Variants in RPSA2 observed in about 807,000 individuals in gnomAD.
The protein encoded by RPSA2 is small ribosomal subunit protein uS2B.
chr19:23,797,520 G>C, the RPSA2 span, among the ~76,000 whole-genome samples: 1 of 152,286 alleles, frequency 6.6e-6, no homozygotes, highest in South Asian at 2.1e-4. Context: ...TTATGTAATT[G>C]TATGGTTTCA....
At chr19:23,859,587 A>G in the RPSA2 span, among the ~76,000 whole-genome samples, 2 of 151,506 alleles carry the variant, frequency 1.3e-5, no homozygotes, top group Non-Finnish European at 2.9e-5. Flanking sequence ...AGCTCACACC[A>G]TTGCACTCCA....
chr19:23,808,763 GA>G, the RPSA2 span: 6 of 912,712 alleles, frequency 6.6e-6, no homozygotes, highest in Admixed American at 2.0e-5. Flanking sequence ...TCTGGAGCGA[GA>G]AAAAGAGCCC....
chr19:23,857,746 T>G, the RPSA2 span, among the ~76,000 whole-genome samples: 349 of 152,200 alleles, frequency 2.3e-3, no homozygotes, highest in Non-Finnish European at 3.7e-3. Flanking sequence ...CCACCCACCT[T>G]GGCCTCCCAA....
At chr19:23,845,763 A>G in the RPSA2 span, among the ~76,000 whole-genome samples, 3 of 152,320 alleles carry the variant, frequency 2.0e-5, no homozygotes, top group South Asian at 2.1e-4. Flanking sequence ...AAGTGCTGGG[A>G]TTACAGGTGT....
chr19:23,769,684 T>C, the RPSA2 span, among the ~76,000 whole-genome samples: 1 of 152,156 alleles, frequency 6.6e-6, no homozygotes, highest in Non-Finnish European at 1.5e-5. Context: ...TGGGATATTG[T>C]GACATATTGC....
chr19:23,770,548 A>G, the RPSA2 span, among the ~76,000 whole-genome samples: 3 of 152,352 alleles, frequency 2.0e-5, no homozygotes, highest in Middle Eastern at 3.4e-3. Context: ...AGCCCAGCAC[A>G]TAAGTGGCCT....
chr19:23,825,321 C>T, the RPSA2 span, among the ~76,000 whole-genome samples: 2 of 152,046 alleles, frequency 1.3e-5, no homozygotes, highest in Admixed American at 1.3e-4. Context: ...TAGGGTATGC[C>T]ACCACACATT....
At chr19:23,827,839 A>G in the RPSA2 span, 1 of 1,453,092 alleles carries the variant, frequency 6.9e-7, no homozygotes, top group South Asian at 1.2e-5. Context: ...CCAAGGAGGA[A>G]TTTCAGGGTG....
the RPSA2 span, among the ~76,000 whole-genome samples, chr19:23,815,447 G>T: frequency 2.0e-4 from 31 of 152,116 alleles, no homozygotes. Flanking sequence ...TTTATTAGAA[G>T]AACCTGGCTC....
chr19:23,854,944 C>T, the RPSA2 span, among the ~76,000 whole-genome samples: 148,998 of 152,326 alleles, frequency 0.98, 72,965 homozygotes, highest in Middle Eastern at 1. Flanking sequence ...TCTCAAAAGC[C>T]AACATATGAA....
the RPSA2 span, among the ~76,000 whole-genome samples, chr19:23,841,188 C>T: frequency 6.6e-6 from 1 of 152,056 alleles, no homozygotes; most frequent in Non-Finnish European, 1.5e-5. Context: ...AGGATTTCTT[C>T]CCTATAATGT....
At chr19:23,855,707 G>T in the RPSA2 span, among the ~76,000 whole-genome samples, 1 of 152,144 alleles carries the variant, frequency 6.6e-6, no homozygotes, top group Non-Finnish European at 1.5e-5. Flanking sequence ...GAAGCATACT[G>T]GTGATTATTG....
At chr19:23,776,035 T>C in the RPSA2 span, among the ~76,000 whole-genome samples, 1 of 152,212 alleles carries the variant, frequency 6.6e-6, no homozygotes, top group Non-Finnish European at 1.5e-5. Flanking sequence ...CTAAGTGATG[T>C]AACTCTGTTC....
chr19:23,798,624 A>T, the RPSA2 span, among the ~76,000 whole-genome samples: 1 of 151,688 alleles, frequency 6.6e-6, no homozygotes, highest in African/African-American at 2.4e-5. Flanking sequence ...TCCTACATAC[A>T]TTATGACTAG....
At chr19:23,844,373 A>G in the RPSA2 span, among the ~76,000 whole-genome samples, 1 of 152,190 alleles carries the variant, frequency 6.6e-6, no homozygotes, top group Non-Finnish European at 1.5e-5. Context: ...TCATTTTCAC[A>G]TAATAAACTA....
chr19:23,840,976 AAAAAAAAAAAG>A, the RPSA2 span, among the ~76,000 whole-genome samples: 2 of 151,626 alleles, frequency 1.3e-5, no homozygotes, highest in African/African-American at 4.8e-5. Context: ...AAAAAAAAAA[AAAAAAAAAAAG>A]ACAAAACATG....
chr19:23,835,362 A>G, the RPSA2 span, among the ~76,000 whole-genome samples: 9,848 of 152,222 alleles, frequency 0.065, 467 homozygotes, highest in East Asian at 0.22. Flanking sequence ...TTGTGTGAGT[A>G]TAAATTTGAA....
the RPSA2 span, among the ~76,000 whole-genome samples, chr19:23,867,559 G>T: frequency 2.6e-5 from 4 of 152,080 alleles, no homozygotes; most frequent in Admixed American, 6.5e-5. Context: ...GGCCGGGTGC[G>T]GTGGCTCACG....
At chr19:23,780,813 G>A in the RPSA2 span, among the ~76,000 whole-genome samples, 1 of 152,196 alleles carries the variant, frequency 6.6e-6, no homozygotes, top group South Asian at 2.1e-4. Flanking sequence ...CCCTTACAGG[G>A]CCAAGCACAC....
Sources: gnomAD v4.1 joint callset for allele counts (sites outside exome capture counted in the v4.1 genomes callset) on GRCh38, gnomAD v4.1.1 for gene constraint, MANE v1.5 for transcripts, NCBI Gene and HGNC (gene_info 2026-07-23, HGNC 2026-07-21) for gene names.